The following USP34 variants were observed in gnomAD, a reference collection of about 807,000 sequenced individuals.
USP34 encodes ubiquitin specific peptidase 34.
A neutral mutation model predicts 460.3 loss-of-function variants in USP34; 70 were observed. That is an observed-to-expected ratio of 0.15 (90% CI 0.13 to 0.19). USP34 has a LOEUF of 0.19. USP34 is among the 10% of genes least tolerant of loss of function. USP34 has a pLI of 1.00. For synonymous variants in USP34, 1,647 were observed against 1,405.3 expected, an observed-to-expected ratio of 1.17 and a Z score of -3.85; for missense variants, 3,985 against 4,236.2, an observed-to-expected ratio of 0.94 and a Z score of 1.65.
At chr2:61,263,173 ATTTTTTTTT>A (rs36015748) in intron 43 of USP34, among the ~76,000 whole-genome samples, 4 of 97,780 alleles carry the variant, frequency 4.1e-5, no homozygotes, top group African/African-American at 4.3e-5. Context: ...CACACATGGA[ATTTTTTTTT>A]TTTTTTTTTT....
At chr2:61,189,224 AG>A (rs1263578468) in intron 78 of USP34, 155 bp from the exon 79 acceptor site, 9 of 799,588 alleles carry the variant, frequency 1.1e-5, no homozygotes, top group Non-Finnish European at 1.5e-5. Flanking sequence ...AAAACCAGAA[AG>A]CCAGTGTTAA....
At chr2:61,450,923 A>G (rs1695252197) in intron 1 of USP34, among the ~76,000 whole-genome samples, 1 of 151,670 alleles carries the variant, frequency 6.6e-6, no homozygotes, top group Non-Finnish European at 1.5e-5. Context: ...TTTCATCTTA[A>G]CAAATGAGTA....
chr2:61,194,169 G>C (rs1406507927), intron 75 of USP34: 5 of 985,320 alleles, frequency 5.1e-6, no homozygotes, highest in Non-Finnish European at 6.0e-6. Flanking sequence ...ACTTACCAAG[G>C]ATGCCTAGGA....
chr2:61,356,801 G>C (rs911176501), intron 10 of USP34, among the ~76,000 whole-genome samples: 5 of 152,130 alleles, frequency 3.3e-5, no homozygotes, highest in African/African-American at 1.2e-4. Flanking sequence ...ATTGCACAAT[G>C]CAAATAGACT....
intron 1 of USP34, among the ~76,000 whole-genome samples, chr2:61,457,310 G>A (rs1353673417): frequency 6.6e-6 from 1 of 152,096 alleles, no homozygotes; most frequent in Admixed American, 6.6e-5. Context: ...TGTTACCATA[G>A]GAAGGGCCAA....
At chr2:61,460,331 A>G (rs1695562515) in intron 1 of USP34, among the ~76,000 whole-genome samples, 2 of 152,164 alleles carry the variant, frequency 1.3e-5, no homozygotes, top group African/African-American at 2.4e-5. Flanking sequence ...TTTGTCCAGC[A>G]TATCCAGGCT....
At chr2:61,466,611 T>A (rs993450966) in intron 1 of USP34, among the ~76,000 whole-genome samples, 1 of 152,022 alleles carries the variant, frequency 6.6e-6, no homozygotes, top group African/African-American at 2.4e-5. Flanking sequence ...AACTAAAAAT[T>A]TTTTAAACAA....
At position 61,190,657 on chromosome 2, in the gene USP34, G is replaced by C. The variant is rs939569220; in HGVS notation, c.9590C>G (p.Ser3197Cys). 1 of 1,612,548 alleles carries C rather than the reference G, an allele frequency of 6.2e-7. No homozygotes were observed. Among genetic ancestry groups the C allele is most frequent in the Non-Finnish European group, 8.5e-7 (1 of 1,179,484 alleles). Residue 3197 changes from serine to cysteine, a missense_variant and splice_region_variant, in exon 77 of 80, where the codon TCT (serine) becomes TGT (cysteine). By Grantham distance (112) the Ser-to-Cys change is moderately radical. Coordinates refer to ENST00000398571, the MANE Select transcript of USP34 (RefSeq NM_014709.4). ...CTTGATGCAGTTTTTTGACATAGCAGACTAAAGTGGGGAGAAGATGGTTGA... is the reference window on the plus strand; with the variant it reads ...CTTGATGCAGTTTTTTGACATAGCACACTAAAGTGGGGAGAAGATGGTTGA... Reference protein sequence around the residue: ...KLWTELCQTQSAMSKNCIKLL... With the variant: ...KLWTELCQTQCAMSKNCIKLL...
chr2:61,352,568 T>A (rs1441051287), intron 10 of USP34, among the ~76,000 whole-genome samples: 1 of 151,628 alleles, frequency 6.6e-6, no homozygotes, highest in Non-Finnish European at 1.5e-5. Context: ...GCTCAAGTGA[T>A]CCTCTTGCCT....
intron 48 of USP34, among the ~76,000 whole-genome samples, chr2:61,255,557 G>T (rs1279102156): frequency 1.3e-5 from 2 of 152,222 alleles, no homozygotes; most frequent in Admixed American, 6.5e-5. Context: ...CTATTGCAAA[G>T]AAATGCTGTG....
At chr2:61,209,054 A>C (rs1235559539) in intron 69 of USP34, 77 bp from the exon 70 acceptor site, 14 of 883,346 alleles carry the variant, frequency 1.6e-5, no homozygotes, top group Non-Finnish European at 2.0e-5. Flanking sequence ...AATAAAAAGA[A>C]ATAAAATCAT....
chr2:61,443,549 T>C (rs183048427), intron 1 of USP34, among the ~76,000 whole-genome samples: 1 of 151,684 alleles, frequency 6.6e-6, no homozygotes, highest in Admixed American at 6.6e-5. Flanking sequence ...TAAATTCCTA[T>C]TACTAAATGA....
At chr2:61,240,573 C>G (rs1040978782) in intron 53 of USP34, among the ~76,000 whole-genome samples, 17 of 150,448 alleles carry the variant, frequency 1.1e-4, no homozygotes, top group Admixed American at 7.9e-4. Flanking sequence ...CCACCGCGCC[C>G]AGCCCATTTT....
chr2:61,308,922 G>C (rs1239161438), intron 27 of USP34, among the ~76,000 whole-genome samples: 1 of 152,034 alleles, frequency 6.6e-6, no homozygotes, highest in African/African-American at 2.4e-5. Flanking sequence ...CCCACCTGTA[G>C]CCCCAGCTAC....
rs766491676 is a variant in USP34 at position 61,222,593 on chromosome 2, A to G, written c.7794+26T>C. 3.1e-6 allele frequency: 5 copies of G among 1,599,968 alleles called. No individual in the cohort carries two copies. In the South Asian group the frequency reaches 5.5e-5, roughly 18 times the overall value. ...AGCAGTGCTGAAAATTGTTTTAAAA[A>G]CATAAATTAACAAATGTTTACATAC... On this transcript the variant is annotated intron_variant, in intron 65 of 79. Coordinates refer to ENST00000398571, the MANE Select transcript of USP34 (RefSeq NM_014709.4).
chr2:61,234,391 A>C (rs1363123111), intron 57 of USP34, among the ~76,000 whole-genome samples: 5 of 152,194 alleles, frequency 3.3e-5, no homozygotes, highest in African/African-American at 9.7e-5. Context: ...AGCTGTCATT[A>C]CCTTTGAGTG....
chr2:61,459,726 G>C (rs1223132005), intron 1 of USP34, among the ~76,000 whole-genome samples: 1 of 142,446 alleles, frequency 7.0e-6, no homozygotes, highest in Non-Finnish European at 1.5e-5. Flanking sequence ...GCAGTGAGCT[G>C]ATATTAAGCC....
At chr2:61,243,918 G>A (rs1470948965) in intron 51 of USP34, among the ~76,000 whole-genome samples, 2 of 151,026 alleles carry the variant, frequency 1.3e-5, no homozygotes, top group African/African-American at 2.4e-5. Context: ...GATGCAATTG[G>A]TTTAGTGGTG....
chr2:61,351,114 C>T (rs1335571694), intron 10 of USP34, among the ~76,000 whole-genome samples: 2 of 152,104 alleles, frequency 1.3e-5, no homozygotes, highest in African/African-American at 4.8e-5. Flanking sequence ...GTGGTCCCAG[C>T]TACATAGGCG....
Sources: allele counts gnomAD v4.1 joint callset (sites outside exome capture counted in the v4.1 genomes callset), GRCh38; gene constraint gnomAD v4.1.1; transcripts MANE v1.5; gene names NCBI Gene and HGNC (gene_info 2026-07-23, HGNC 2026-07-21).